Variants in SLC29A3 observed in about 807,000 individuals in gnomAD.
SLC29A3 encodes the protein solute carrier family 29 member 3, also known as equilibrative nucleoside transporter 3.
Under a neutral mutation model 25.4 loss-of-function variants are expected in SLC29A3, and 18 were observed. The ratio of observed to expected loss-of-function variants is 0.71; its 90% CI spans 0.49 to 1.05. The LOEUF is 1.05. SLC29A3 is among the 50% of genes least tolerant of loss of function. SLC29A3 has a pLI of 0.00. For missense variants in SLC29A3, 586 were observed against 609.0 expected, an observed-to-expected ratio of 0.96 and a Z score of 0.40; for synonymous variants, 258 against 267.1, an observed-to-expected ratio of 0.97 and a Z score of 0.33.
chr10:71,332,093 T>G (rs1215814843), intron 2 of SLC29A3, among the ~76,000 whole-genome samples: 1 of 152,156 alleles, frequency 6.6e-6, no homozygotes, highest in East Asian at 1.9e-4. Flanking sequence ...TTAGACTCCC[T>G]TTGCAATCCT....
At chr10:71,375,559 T>C (rs1183503113) in intron 3 of SLC29A3, 2 of 152,348 alleles carry the variant, frequency 1.3e-5, no homozygotes, top group African/African-American at 4.8e-5. Context: ...CAGGTGATAG[T>C]GGTTTTCCAT....
chr10:71,346,628 C>T (rs1397526416), intron 3 of SLC29A3, among the ~76,000 whole-genome samples: 2 of 152,142 alleles, frequency 1.3e-5, no homozygotes, highest in African/African-American at 4.8e-5. Flanking sequence ...TCGCTTGAGC[C>T]GAGGAGTTCA....
At position 71,342,247 on chromosome 10, in the gene SLC29A3, TG is replaced by T. The variant is rs58505235; in HGVS notation, c.301-1961del. 6.1e-3 allele frequency among the ~76,000 whole-genome samples: 932 copies of T among 152,320 alleles called. 10 individuals carry two copies. The highest frequency in any genetic ancestry group is 0.021 in the African/African-American group (857 of 41,564). ...TGTTTCTATCAGGAATTAAGTGGTT[TG>T]TTTTTATAAATTCTGTGGGATGTGC... On this transcript the variant is annotated intron_variant, in intron 2 of 5. Coordinates refer to ENST00000373189, the MANE Select transcript of SLC29A3 (RefSeq NM_018344.6).
Position 71,323,188 on chromosome 10 carries a change from C to T in SLC29A3, c.300+134C>T. 5 of 1,200,308 alleles carry T rather than the reference C, an allele frequency of 4.2e-6. No homozygotes were observed. In the South Asian group the frequency reaches 5.2e-5, roughly 12 times the overall value. 74.4% of individuals were successfully genotyped at this position (1,200,308 alleles called of 1,614,324 possible). On this transcript the variant is annotated intron_variant, in intron 2 of 5. Transcript: ENST00000373189. ...TACTGTTTAGCTTGGGAAGAAGATG[C>T]AAATTATGGTTCCATGTGGTGTGTA...
At chr10:71,356,046 C>T (rs776604934) in intron 4 of SLC29A3, 35 bp from the exon 5 acceptor site, 5 of 1,612,008 alleles carry the variant, frequency 3.1e-6, no homozygotes, top group Non-Finnish European at 4.2e-6. Flanking sequence ...CTCGCCCACC[C>T]CTCACCATCT....
At chr10:71,355,739 A>G (rs1383648029) in intron 4 of SLC29A3, among the ~76,000 whole-genome samples, 2 of 152,198 alleles carry the variant, frequency 1.3e-5, no homozygotes, top group East Asian at 1.9e-4. Flanking sequence ...AGCCCCCACT[A>G]GAAGGGCAAT....
At chr10:71,354,321 C>T (rs1419739362) in intron 4 of SLC29A3, among the ~76,000 whole-genome samples, 1 of 152,196 alleles carries the variant, frequency 6.6e-6, no homozygotes, top group Non-Finnish European at 1.5e-5. Context: ...GAAGGTCACA[C>T]AACTAGAAGA....
intron 2 of SLC29A3, among the ~76,000 whole-genome samples, chr10:71,333,957 G>A (rs184702939): frequency 1.1e-4 from 17 of 152,350 alleles, no homozygotes; most frequent in African/African-American, 4.1e-4. Context: ...AGAGCAGTCA[G>A]CTTGCCCCTT....
intron 2 of SLC29A3, among the ~76,000 whole-genome samples, chr10:71,323,508 AGAG>A (rs1297561870): frequency 1.3e-5 from 2 of 152,262 alleles, no homozygotes; most frequent in Non-Finnish European, 2.9e-5. Context: ...GGAAAAAGCA[AGAG>A]GAGAAGGAGG....
chr10:71,333,593 G>C (rs544428196), intron 2 of SLC29A3, among the ~76,000 whole-genome samples: 2 of 152,260 alleles, frequency 1.3e-5, no homozygotes, highest in Non-Finnish European at 2.9e-5. Flanking sequence ...AGGCCACAGG[G>C]CATGGCCCTT....
downstream of SLC29A3, among the ~76,000 whole-genome samples, chr10:71,363,927 AG>A (rs935895268): frequency 2.7e-5 from 4 of 150,358 alleles, no homozygotes; most frequent in African/African-American, 7.3e-5. Flanking sequence ...TAGGAACCCC[AG>A]GGGGTTGTGC....
At chr10:71,335,160 C>T (rs1021137623) in intron 2 of SLC29A3, among the ~76,000 whole-genome samples, 6 of 152,146 alleles carry the variant, frequency 3.9e-5, no homozygotes, top group African/African-American at 1.4e-4. Flanking sequence ...TCTGCTCCCT[C>T]CACCCATTTC....
chr10:71,344,805 G>T (rs1034894191), intron 3 of SLC29A3, among the ~76,000 whole-genome samples: 1 of 152,212 alleles, frequency 6.6e-6, no homozygotes, highest in Non-Finnish European at 1.5e-5. Flanking sequence ...ATAGACCCCC[G>T]TGGGTGACTT....
In SLC29A3 at chr10:71,347,519, T is replaced by C. The variant is rs2131833302; in HGVS notation, c.383+3228T>C. Among the ~76,000 whole-genome samples the C allele has an allele frequency of 2.0e-5, 3 of 152,260 alleles. No individual in the cohort carries two copies. In the South Asian group the frequency reaches 6.2e-4, roughly 32 times the overall value. ...AGAGCACGACTGTCCCCTGGGCCAC[T>C]CTCCCTTCCTGGGTGGAAGCAGCAG... On this transcript the variant is annotated intron_variant, in intron 3 of 5. Coordinates refer to ENST00000373189, the MANE Select transcript of SLC29A3 (RefSeq NM_018344.6).
rs991494724 is a variant in SLC29A3 at position 71,345,860 on chromosome 10, G to T, written c.383+1569G>T. 5.3e-5 allele frequency among the ~76,000 whole-genome samples: 8 copies of T among 152,198 alleles called. No individual in the cohort carries two copies. The East Asian group carries it at 5.8e-4, about 11-fold the overall frequency. On this transcript the variant is annotated intron_variant, in intron 3 of 5. Coordinates refer to ENST00000373189, the MANE Select transcript of SLC29A3 (RefSeq NM_018344.6). ...GAGGAAGAGGGGAGACAGCCGTGGTGGGGGGAGCCCTTGGCTCACTTATGG... is the reference window on the plus strand; with the variant it reads ...GAGGAAGAGGGGAGACAGCCGTGGTTGGGGGAGCCCTTGGCTCACTTATGG...
rs375978498 is a variant in SLC29A3, at chr10:71,361,961, A to C, written c.781A>C (p.Met261Leu). The C allele has an allele frequency of 6.2e-7, 1 of 1,614,002 alleles. No homozygotes were observed. The highest frequency in any genetic ancestry group is 1.3e-5 in the African/African-American group (1 of 75,006). The change falls in exon 6 of 6, where the codon ATG becomes CTG. Residue 261 changes from methionine (M) to leucine (L), a missense_variant. Transcript: ENST00000373189. ...LSRLEYARYY[M>L]RPVLAAHVFS... ...CCTGTCTCCTCCCTGCAGGTACTAC[A>C]TGAGGCCTGTTCTTGCGGCCCATGT...
chr10:71,353,269 C>T (rs1335941013), intron 4 of SLC29A3, among the ~76,000 whole-genome samples: 2 of 152,234 alleles, frequency 1.3e-5, no homozygotes, highest in Admixed American at 6.5e-5. Context: ...TAAAAATGGA[C>T]TTGTTGCTAA....
At chr10:71,341,131 T>G (rs943817605) in intron 2 of SLC29A3, among the ~76,000 whole-genome samples, 2 of 152,042 alleles carry the variant, frequency 1.3e-5, no homozygotes, top group Non-Finnish European at 1.5e-5. Flanking sequence ...GGGGCTTGAC[T>G]CCCCCATCCT....
Position 71,362,417 on chromosome 10 carries a change from G to A in SLC29A3, c.1237G>A (p.Val413Met), listed in dbSNP as rs746801802. The change falls in exon 6 of 6, where the codon GTG becomes ATG. Residue 413 changes from valine to methionine, a missense_variant. Val to Met is a conservative substitution (Grantham distance 21). Coordinates refer to ENST00000373189, the MANE Select transcript of SLC29A3 (RefSeq NM_018344.6). Reference sequence around the variant, plus strand: ...GAAGACTGTGGTCTTCCAGTCCGATGTGTACCCCGCACTCCTCAGCTCCCT... The same window carrying A: ...GAAGACTGTGGTCTTCCAGTCCGATATGTACCCCGCACTCCTCAGCTCCCT... ...HLKTVVFQSD[V>M]YPALLSSLLG... The A allele has an allele frequency of 3.1e-6, 5 of 1,614,190 alleles. No individual in the cohort carries two copies. The South Asian group carries it at 5.5e-5, about 18-fold the overall frequency.
Sources: allele counts gnomAD v4.1 joint callset (sites outside exome capture counted in the v4.1 genomes callset), GRCh38; gene constraint gnomAD v4.1.1; transcripts MANE v1.5; gene names NCBI Gene and HGNC (gene_info 2026-07-23, HGNC 2026-07-21).